MAPK10: variants seen among roughly 807,000 people sequenced by gnomAD.
MAPK10 encodes the protein JNK3 alpha protein kinase.
In MAPK10, 25 loss-of-function variants were observed where a neutral mutation model predicts 59.3. That is an observed-to-expected ratio of 0.42 (90% CI 0.31 to 0.59). The LOEUF is 0.59. Among genes scored for constraint, MAPK10 ranks in the 20% least tolerant of loss-of-function variants. The pLI, the probability that MAPK10 is intolerant of heterozygous loss-of-function variation, is 0.15. For synonymous variants in MAPK10, 190 were observed against 200.5 expected (o/e 0.95, Z 0.44); for missense variants, 351 against 568.9 (o/e 0.62, Z 3.90).
intron 2 of MAPK10, among the ~76,000 whole-genome samples, chr4:86,227,485 TA>T (rs557108399): frequency 2.6e-3 from 295 of 114,072 alleles, no homozygotes; most frequent in Middle Eastern, 4.4e-3. Flanking sequence ...AGACTCCCTC[TA>T]AAAAAAAAAA....
intron 9 of MAPK10, among the ~76,000 whole-genome samples, chr4:86,085,044 A>G (rs1247522272): frequency 1.3e-5 from 2 of 152,212 alleles, no homozygotes; most frequent in Admixed American, 1.3e-4. Flanking sequence ...GGATATCCAC[A>G]TGCAGAAGAA....
At chr4:86,272,675 A>T (rs1441313018) in intron 2 of MAPK10, among the ~76,000 whole-genome samples, 1 of 151,952 alleles carries the variant, frequency 6.6e-6, no homozygotes, top group Non-Finnish European at 1.5e-5. Context: ...TCTTGTCTGT[A>T]TAAGAATAAC....
chr4:86,478,493 C>T (rs980527629), intron 1 of MAPK10, among the ~76,000 whole-genome samples: 4 of 152,162 alleles, frequency 2.6e-5, no homozygotes, highest in Admixed American at 2.0e-4. Flanking sequence ...ACAAACTATG[C>T]TCAACTCACT....
At chr4:86,240,454 C>T (rs561005717) in intron 2 of MAPK10, among the ~76,000 whole-genome samples, 6 of 152,212 alleles carry the variant, frequency 3.9e-5, no homozygotes, top group African/African-American at 1.2e-4. Context: ...GGGGTGTTAA[C>T]GTCTCCCACT....
chr4:86,355,580 C>G (rs1363450745), intron 1 of MAPK10, among the ~76,000 whole-genome samples: 2 of 152,084 alleles, frequency 1.3e-5, no homozygotes, highest in Non-Finnish European at 2.9e-5. Flanking sequence ...AACTGTGTTA[C>G]AGTTTCCCAA....
intron 1 of MAPK10, among the ~76,000 whole-genome samples, chr4:86,555,806 A>G (rs1346188297): frequency 1.3e-5 from 2 of 152,218 alleles, no homozygotes; most frequent in African/African-American, 4.8e-5. Flanking sequence ...AAACAATTAG[A>G]TAAATTAAGG....
At chr4:86,116,785 A>G (rs2058355972) in intron 4 of MAPK10, among the ~76,000 whole-genome samples, 1 of 152,266 alleles carries the variant, frequency 6.6e-6, no homozygotes, top group South Asian at 2.1e-4. Context: ...AATGAAGAGA[A>G]TAACAACTTG....
intron 3 of MAPK10, among the ~76,000 whole-genome samples, chr4:86,189,311 T>C (rs1449154222): frequency 1.3e-5 from 2 of 152,246 alleles, no homozygotes; most frequent in Admixed American, 6.5e-5. Flanking sequence ...GGGAATAGCA[T>C]TGAATCTATA....
intron 2 of MAPK10, among the ~76,000 whole-genome samples, chr4:86,322,701 C>G (rs890899308): frequency 6.6e-6 from 1 of 152,166 alleles, no homozygotes; most frequent in Non-Finnish European, 1.5e-5. Context: ...ATTTCTCATG[C>G]TACTACAGCA....
chr4:86,013,488 T>G lies in MAPK10; in HGVS notation c.*3740A>C. 6.6e-6 allele frequency: 1 copy of G among 152,230 alleles called. No individual in the cohort carries two copies. Among genetic ancestry groups the G allele is most frequent in the Non-Finnish European group, 1.5e-5 (1 of 68,038 alleles). 9.4% of individuals were successfully genotyped at this position (152,230 alleles called of 1,614,324 possible). A position where few individuals can be genotyped will look rare whatever the true frequency, so the allele number is the denominator to read the frequency against. ...TAATAACATGCCTTACAGAGCATAA[T>G]GCACTTAAGATGTGGCTTTTCATAT... On this transcript the variant is annotated 3_prime_UTR_variant, in exon 14 of 14. Transcript: ENST00000641462.
At chr4:86,408,074 C>A (rs993890032) in intron 1 of MAPK10, among the ~76,000 whole-genome samples, 4 of 146,532 alleles carry the variant, frequency 2.7e-5, no homozygotes. Flanking sequence ...CCCGACAAGC[C>A]CCCGTGTGAT....
intron 2 of MAPK10, among the ~76,000 whole-genome samples, chr4:86,225,056 A>G (rs1260816951): frequency 6.6e-6 from 1 of 152,204 alleles, no homozygotes; most frequent in African/African-American, 2.4e-5. Flanking sequence ...GGAAAAAATA[A>G]TGTTAATACT....
intron 4 of MAPK10, among the ~76,000 whole-genome samples, chr4:86,134,612 T>A (rs1459616953): frequency 6.6e-6 from 1 of 152,204 alleles, no homozygotes. Flanking sequence ...AATGAAAAAA[T>A]ATTACTTTTA....
At chr4:86,393,985 T>C (rs1325830860) in intron 1 of MAPK10, among the ~76,000 whole-genome samples, 1 of 152,094 alleles carries the variant, frequency 6.6e-6, no homozygotes, top group African/African-American at 2.4e-5. Flanking sequence ...TAATAAGAAA[T>C]AGGGGCTGGG....
At chr4:86,273,773 T>C (rs528987347) in intron 2 of MAPK10, among the ~76,000 whole-genome samples, 2 of 152,040 alleles carry the variant, frequency 1.3e-5, no homozygotes, top group Non-Finnish European at 2.9e-5. Flanking sequence ...CTTATAGTTG[T>C]GAGTTGCAAT....
intron 2 of MAPK10, among the ~76,000 whole-genome samples, chr4:86,251,211 C>T: frequency 6.6e-6 from 1 of 151,552 alleles, no homozygotes; most frequent in Non-Finnish European, 1.5e-5. Context: ...TTTTAGGGTA[C>T]ATGTGCACAT....
At position 86,318,529 on chromosome 4, in the gene MAPK10, T is replaced by C. The variant is rs555429449; in HGVS notation, c.-7+36001A>G. 3.7e-4 allele frequency among the ~76,000 whole-genome samples: 56 copies of C among 152,282 alleles called. 2 individuals carry two copies. In the South Asian group the frequency reaches 0.01, roughly 28 times the overall value. On this transcript the variant is annotated intron_variant, in intron 2 of 13. Transcript: ENST00000641462. ...CTTCAGTAATCCATGGGAAGACCTA[T>C]GAGAAAGCTAAATAATATAATAAGG...
At chr4:86,505,802 T>C (rs546861802) in intron 1 of MAPK10, among the ~76,000 whole-genome samples, 63 of 152,202 alleles carry the variant, frequency 4.1e-4, no homozygotes, top group African/African-American at 1.4e-3. Flanking sequence ...CCAATTTAAA[T>C]TGTACTCATT....
At chr4:86,086,563 A>C (rs1362780202) in intron 9 of MAPK10, among the ~76,000 whole-genome samples, 1 of 152,168 alleles carries the variant, frequency 6.6e-6, no homozygotes, top group Non-Finnish European at 1.5e-5. Flanking sequence ...AAAATTAAAA[A>C]AAGTCATGCA....
Sources: allele counts gnomAD v4.1 joint callset (sites outside exome capture counted in the v4.1 genomes callset), GRCh38; gene constraint gnomAD v4.1.1; transcripts MANE v1.5; gene names NCBI Gene and HGNC (gene_info 2026-07-23, HGNC 2026-07-21).